The following UBE2G1 variants were observed in gnomAD, a reference collection of about 807,000 sequenced individuals.
UBE2G1 encodes the protein ubiquitin conjugating enzyme E2 G1, also known as ubiquitin-conjugating enzyme E2 G1.
In UBE2G1, 5 loss-of-function variants were observed where a neutral mutation model predicts 22.7. That is an observed-to-expected ratio of 0.22 (90% CI 0.12 to 0.46). The LOEUF (loss-of-function observed/expected upper bound fraction) is 0.46, where lower values mean the gene tolerates loss of function less well. Among genes scored for constraint, UBE2G1 ranks in the 20% least tolerant of loss-of-function variants. The pLI, the probability that UBE2G1 is intolerant of heterozygous loss-of-function variation, is 0.99. For synonymous variants in UBE2G1, 74 were observed against 67.5 expected, an observed-to-expected ratio of 1.10 and a Z score of -0.47; for missense variants, 88 against 203.9, an observed-to-expected ratio of 0.43 and a Z score of 3.46.
intron 5 of UBE2G1, among the ~76,000 whole-genome samples, chr17:4,273,790 C>G (rs979430496): frequency 7.2e-5 from 11 of 152,086 alleles, no homozygotes; most frequent in African/African-American, 2.7e-4. Flanking sequence ...GTCAAGTGTT[C>G]CAAAGAACTC....
At position 4,269,297 on chromosome 17, in the gene UBE2G1, C is replaced by T. The variant is rs1394514571; in HGVS notation, c.*3257G>A. ...TCATCATTTATTGATTTATAGAGCA[C>T]TCATCACATGAATGAGGTGCTTTAC... On this transcript the variant is annotated 3_prime_UTR_variant, in exon 6 of 6. Coordinates refer to ENST00000396981, the MANE Select transcript of UBE2G1 (RefSeq NM_003342.5). The T allele has an allele frequency of 6.6e-6, 1 of 152,500 alleles. No homozygotes were observed. The highest frequency in any genetic ancestry group is 2.4e-5 in the African/African-American group (1 of 41,416). The allele number at this position is 152,500 out of a possible 1,614,324, so 9.4% of individuals were successfully genotyped here. A position where few individuals can be genotyped will look rare whatever the true frequency, so the allele number is the denominator to read the frequency against.
intron 1 of UBE2G1, among the ~76,000 whole-genome samples, chr17:4,365,458 G>A (rs1970021928): frequency 6.6e-6 from 1 of 152,334 alleles, no homozygotes; most frequent in Non-Finnish European, 1.5e-5. Context: ...GAGGGGGGCC[G>A]CAGGCTCCTC....
chr17:4,346,116 T>C (rs1251046624), intron 1 of UBE2G1, among the ~76,000 whole-genome samples: 1 of 152,228 alleles, frequency 6.6e-6, no homozygotes, highest in Non-Finnish European at 1.5e-5. Flanking sequence ...TACAGTCTGA[T>C]TTACAACCAG....
intron 1 of UBE2G1, among the ~76,000 whole-genome samples, chr17:4,330,976 C>CCACACACACACA (rs57051928): frequency 0.098 from 14,127 of 143,500 alleles, 763 homozygotes; most frequent in African/African-American, 0.13. Flanking sequence ...ACCTTTAAAA[C>CCACACACACACA]CACACACACA....
At chr17:4,335,709 A>G (rs1266347388) in intron 1 of UBE2G1, among the ~76,000 whole-genome samples, 3 of 152,240 alleles carry the variant, frequency 2.0e-5, no homozygotes, top group Non-Finnish European at 4.4e-5. Context: ...TTTCTTTGAC[A>G]GCATTTAACT....
At chr17:4,341,876 A>G (rs1969716795) in intron 1 of UBE2G1, among the ~76,000 whole-genome samples, 1 of 152,176 alleles carries the variant, frequency 6.6e-6, no homozygotes, top group South Asian at 2.1e-4. Flanking sequence ...TAAAGGCCAC[A>G]GCATTCTGGT....
chr17:4,360,502 T>C (rs757990633), intron 1 of UBE2G1, among the ~76,000 whole-genome samples: 8 of 152,212 alleles, frequency 5.3e-5, no homozygotes, highest in Non-Finnish European at 1.2e-4. Flanking sequence ...ATAATGATAG[T>C]CACTGGATTA....
chr17:4,329,307 G>A (rs1219194845), intron 1 of UBE2G1, among the ~76,000 whole-genome samples: 1 of 151,782 alleles, frequency 6.6e-6, no homozygotes. Flanking sequence ...GCTGAGGCAG[G>A]AGAACTGCTT....
At chr17:4,277,948 A>C (rs1385969069) in intron 5 of UBE2G1, among the ~76,000 whole-genome samples, 1 of 150,926 alleles carries the variant, frequency 6.6e-6, no homozygotes, top group African/African-American at 2.4e-5. Flanking sequence ...ATGGAGTCTC[A>C]CTCTCTTGGC....
chr17:4,325,875 A>G (rs1969499645), intron 1 of UBE2G1, among the ~76,000 whole-genome samples: 1 of 152,190 alleles, frequency 6.6e-6, no homozygotes, highest in African/African-American at 2.4e-5. Flanking sequence ...AGGAAAGAAA[A>G]TCTTTCAATA....
At chr17:4,284,832 TTC>T (rs869185933) in intron 4 of UBE2G1, among the ~76,000 whole-genome samples, 1 of 90,588 alleles carries the variant, frequency 1.1e-5, no homozygotes, top group African/African-American at 4.2e-5. Flanking sequence ...TTCTTTTCTT[TTC>T]TTTCTTTTTT....
chr17:4,344,498 C>CCA (rs1237971802), intron 1 of UBE2G1, among the ~76,000 whole-genome samples: 3 of 151,644 alleles, frequency 2.0e-5, no homozygotes, highest in Non-Finnish European at 4.4e-5. Context: ...CGAGATTGCG[C>CCA]CACTGCACTC....
intron 2 of UBE2G1, chr17:4,302,130 T>G (rs1010837087): frequency 3.4e-5 from 18 of 524,734 alleles, no homozygotes; most frequent in Non-Finnish European, 6.2e-5. Context: ...TGTCTGCTAT[T>G]GTGTTGCCAT....
chr17:4,273,124 C>A (rs1968779848), intron 5 of UBE2G1, among the ~76,000 whole-genome samples: 1 of 152,240 alleles, frequency 6.6e-6, no homozygotes, highest in South Asian at 2.1e-4. Context: ...CTCGTATCAT[C>A]CAGTTAGACT....
chr17:4,355,637 C>A (rs1260425084), intron 1 of UBE2G1, among the ~76,000 whole-genome samples: 1 of 139,164 alleles, frequency 7.2e-6, no homozygotes, highest in African/African-American at 2.8e-5. Flanking sequence ...AGTGAAACTC[C>A]ATCTCAAAAA....
intron 1 of UBE2G1, among the ~76,000 whole-genome samples, chr17:4,344,060 C>A (rs1400863559): frequency 6.6e-6 from 1 of 152,102 alleles, no homozygotes; most frequent in East Asian, 1.9e-4. Context: ...CTCCAACAGG[C>A]TTCTAAAACA....
chr17:4,355,464 AAAC>A lies in UBE2G1; in HGVS notation c.46+10804_46+10806del, dbSNP rs1303886621. Among the ~76,000 whole-genome samples the A allele has an allele frequency of 2.7e-5, 4 of 149,320 alleles. No individual in the cohort carries two copies. In the South Asian group the frequency reaches 6.4e-4, roughly 24 times the overall value. The stretch of plus-strand genomic sequence containing the variant: ...AAGACTAGCCATGGCCAGCATGGTG[AAAC>A]AACATTTCTACTAAAAATACAAAAA... On this transcript the variant is annotated intron_variant, in intron 1 of 5. Coordinates refer to ENST00000396981, the MANE Select transcript of UBE2G1 (RefSeq NM_003342.5).
rs564375729 is a variant in UBE2G1, at chr17:4,366,554, G to A, written c.-238C>T. Reference sequence around the variant, plus strand: ...AGGGGAGGGTGCCCGGGCTGCCGCGGCGCGCACTGGGACTTCGCTCGCCCG... The same window carrying A: ...AGGGGAGGGTGCCCGGGCTGCCGCGACGCGCACTGGGACTTCGCTCGCCCG... On this transcript the variant is annotated 5_prime_UTR_variant, in exon 1 of 6. Transcript: ENST00000396981. 1.2e-5 allele frequency: 5 copies of A among 406,954 alleles called. No homozygotes were observed. The East Asian group carries it at 2.0e-4, about 16-fold the overall frequency. 25.2% of individuals were successfully genotyped at this position (406,954 alleles called of 1,614,324 possible).
At chr17:4,344,979 G>C (rs1225511139) in intron 1 of UBE2G1, among the ~76,000 whole-genome samples, 1 of 152,152 alleles carries the variant, frequency 6.6e-6, no homozygotes, top group East Asian at 1.9e-4. Context: ...ATGTGGCTAA[G>C]AAATGAAGAA....
Sources: gnomAD v4.1 joint callset for allele counts (sites outside exome capture counted in the v4.1 genomes callset) on GRCh38, gnomAD v4.1.1 for gene constraint, MANE v1.5 for transcripts, NCBI Gene and HGNC (gene_info 2026-07-23, HGNC 2026-07-21) for gene names.